The following XIST variants were observed in gnomAD, a reference collection of about 807,000 sequenced individuals.
XIST encodes X inactive specific transcript.
Position 73,845,528 on chromosome X carries a change from G to A in XIST, n.7196C>T, listed in dbSNP as rs747992320. The A allele has an allele frequency of 1.4e-5, 8 of 555,176 alleles. No individual in the cohort carries two copies. In the Admixed American group the frequency reaches 1.8e-4, roughly 12 times the overall value. 45.8% of individuals were successfully genotyped at this position (555,176 alleles called of 1,213,427 possible). A position where few individuals can be genotyped will look rare whatever the true frequency, so the allele number is the denominator to read the frequency against. ...GAAGATTGGAGGTGGGGTGTGGCAG[G>A]GGAGGCTTTCATGTCTATTACACAG... On this transcript the variant is annotated non_coding_transcript_exon_variant, in exon 1 of 6. Transcript: ENST00000429829.
exon 6 of XIST, chrX:73,826,528 A>G (rs1363090366): frequency 1.1e-5 from 6 of 559,402 alleles, no homozygotes; most frequent in Non-Finnish European, 1.9e-5. Context: ...ATCTAAAGGT[A>G]ACCGGCAACA....
Position 73,821,433 on chromosome X carries a change from TAATA to T in XIST, n.18464_18467del, listed in dbSNP as rs1286164820. 5.4e-6 allele frequency: 3 copies of T among 556,159 alleles called. No homozygotes were observed. The African/African-American group carries it at 6.7e-5, about 12-fold the overall frequency. 45.8% of individuals were successfully genotyped at this position (556,159 alleles called of 1,213,427 possible). On this transcript the variant is annotated non_coding_transcript_exon_variant, in exon 6 of 6. Transcript: ENST00000429829. ...ACAAGAAGGGTCACACTGATTCACT[TAATA>T]AATTCCATTCTTACCTAACACAAGG...
chrX:73,851,233 G>A (rs767342342), exon 1 of XIST: 6 of 559,350 alleles, frequency 1.1e-5, no homozygotes, highest in Non-Finnish European at 1.9e-5. Flanking sequence ...CGGCAAGCCC[G>A]CCATGATGTC....
At chrX:73,845,668 A>G (rs1569512503) in exon 1 of XIST, 1 of 556,289 alleles carries the variant, frequency 1.8e-6, no homozygotes, top group East Asian at 3.3e-5. Context: ...TTCAGATGGG[A>G]TGGGCCATGT....
exon 1 of XIST, chrX:73,849,140 C>T (rs753367647): frequency 1.8e-6 from 1 of 557,441 alleles, no homozygotes; most frequent in African/African-American, 2.2e-5. Flanking sequence ...AATGCAAGGG[C>T]GACTGGTAGT....
At chrX:73,852,404 G>T (rs751510754) in exon 1 of XIST, 2 of 547,636 alleles carry the variant, frequency 3.7e-6, no homozygotes, top group South Asian at 4.7e-5. Context: ...AAAGAGAGTG[G>T]AAGAGTAAAA....
exon 1 of XIST, chrX:73,842,001 A>G (rs776174918): frequency 3.7e-6 from 2 of 545,342 alleles, no homozygotes; most frequent in East Asian, 3.3e-5. Context: ...ACTCTAGAAT[A>G]TCTTTGATAT....
chrX:73,827,701 C>A, exon 6 of XIST: 1 of 548,422 alleles, frequency 1.8e-6, no homozygotes, highest in East Asian at 3.3e-5. Flanking sequence ...GTAGACAGAA[C>A]AAGAAAAGGA....
exon 6 of XIST, chrX:73,823,365 C>T: frequency 2.0e-6 from 1 of 503,855 alleles, no homozygotes; most frequent in South Asian, 2.6e-5. Context: ...TGGGCCAGAC[C>T]TATTTAATTT....
exon 6 of XIST, chrX:73,821,155 A>G: frequency 1.8e-6 from 1 of 557,373 alleles, no homozygotes; most frequent in East Asian, 3.3e-5. Context: ...GTAAACATTA[A>G]TATTTCAAAT....
At chrX:73,837,077 GT>G (rs1922496554) in intron 2 of XIST, among the ~76,000 whole-genome samples, 1 of 111,825 alleles carries the variant, frequency 8.9e-6, no homozygotes, top group Non-Finnish European at 1.9e-5. Context: ...GAGGTGGAAG[GT>G]AATTTCCCAT....
At chrX:73,842,626 G>T (rs1922622875) in exon 1 of XIST, 3 of 556,651 alleles carry the variant, frequency 5.4e-6, no homozygotes, top group Non-Finnish European at 6.5e-6. Flanking sequence ...AATCAGTACT[G>T]TGTTTATTAA....
intron 5 of XIST, chrX:73,828,882 C>T (rs1309588726): frequency 2.6e-6 from 1 of 377,460 alleles, no homozygotes; most frequent in East Asian, 4.1e-5. Flanking sequence ...GGTAAGAAGA[C>T]CATAATGTCT....
At chrX:73,823,060 T>A (rs1243978923) in exon 6 of XIST, 10 of 551,733 alleles carry the variant, frequency 1.8e-5, no homozygotes, top group Non-Finnish European at 2.6e-5. Context: ...GAATCTTTTT[T>A]TTATTGCTCA....
chrX:73,847,348 C>G (rs1184845679), exon 1 of XIST: 3 of 519,412 alleles, frequency 5.8e-6, no homozygotes, highest in Non-Finnish European at 1.0e-5. Context: ...AGTTAGCACT[C>G]CTGCTGCTTT....
At chrX:73,846,999 G>A (rs749493996) in exon 1 of XIST, 11 of 557,734 alleles carry the variant, frequency 2.0e-5, no homozygotes, top group Non-Finnish European at 3.6e-5. Flanking sequence ...GCTTTGATAA[G>A]TACAGGAGTC....
exon 1 of XIST, chrX:73,842,150 C>A (rs755122300): frequency 5.8e-6 from 3 of 515,617 alleles, no homozygotes; most frequent in Non-Finnish European, 6.9e-6. Context: ...GTCCACCCTA[C>A]AATCCAGATG....
At chrX:73,821,249 C>T (rs1233463536) in exon 6 of XIST, 3 of 554,912 alleles carry the variant, frequency 5.4e-6, no homozygotes, top group Non-Finnish European at 9.8e-6. Flanking sequence ...CTCCACCAAT[C>T]ATACTTTGAC....
chrX:73,844,179 G>T (rs763328441), exon 1 of XIST: 4 of 556,723 alleles, frequency 7.2e-6, no homozygotes, highest in Non-Finnish European at 9.7e-6. Flanking sequence ...AAGAAAAGGG[G>T]ACTTAGGGGG....
Sources: allele counts gnomAD v4.1 joint callset (sites outside exome capture counted in the v4.1 genomes callset), GRCh38; gene constraint gnomAD v4.1.1; transcripts MANE v1.5; gene names NCBI Gene and HGNC (gene_info 2026-07-23, HGNC 2026-07-21).